Variants in ZNF595 observed in about 807,000 individuals in gnomAD.
The protein encoded by ZNF595 is zinc finger protein 595.
Under a neutral mutation model 19.4 loss-of-function variants are expected in ZNF595, and 9 were observed. The ratio of observed to expected loss-of-function variants is 0.46; its 90% CI spans 0.28 to 0.81. The LOEUF is 0.81. Ranked by LOEUF, ZNF595 falls within the 30% of genes least tolerant of loss-of-function variation. The probability of loss-of-function intolerance (pLI) is 0.11; values close to 1 mark genes in which losing one functional copy is unlikely to be tolerated. For synonymous variants in ZNF595, 255 were observed against 255.9 expected (o/e 1.00, Z 0.03); for missense variants, 729 against 736.0 (o/e 0.99, Z 0.11).
intron 3 of ZNF595, among the ~76,000 whole-genome samples, chr4:83,619 C>CAAAAAAAAA (rs71164492): frequency 9.3e-4 from 36 of 38,520 alleles, no homozygotes; most frequent in Admixed American, 1.4e-3. Flanking sequence ...GACTCCGTCT[C>CAAAAAAAAA]AAAAAAAAAA....
At chr4:70,117 A>G (rs1713365623) in intron 3 of ZNF595, among the ~76,000 whole-genome samples, 1 of 152,168 alleles carries the variant, frequency 6.6e-6, no homozygotes, top group Non-Finnish European at 1.5e-5. Flanking sequence ...ACTACTAAAG[A>G]GTAATTGACA....
At chr4:66,828 TA>T (rs1713136614) in intron 3 of ZNF595, among the ~76,000 whole-genome samples, 1 of 152,192 alleles carries the variant, frequency 6.6e-6, no homozygotes, top group African/African-American at 2.4e-5. Context: ...ACACTGTTTT[TA>T]TTTAGCTTTG....
intron 3 of ZNF595, among the ~76,000 whole-genome samples, chr4:70,017 CAG>C (rs1553797653): frequency 6.6e-6 from 1 of 152,148 alleles, no homozygotes; most frequent in Non-Finnish European, 1.5e-5. Context: ...ACAGACTCCC[CAG>C]AGAGTTCTGT....
At chr4:73,572 A>G (rs1247693345) in intron 3 of ZNF595, among the ~76,000 whole-genome samples, 2 of 152,218 alleles carry the variant, frequency 1.3e-5, no homozygotes, top group African/African-American at 2.4e-5. Flanking sequence ...TATTAGCAGT[A>G]AGCTTTTTTG....
At chr4:71,571 T>C (rs1439549201) in intron 3 of ZNF595, among the ~76,000 whole-genome samples, 2 of 152,176 alleles carry the variant, frequency 1.3e-5, no homozygotes, top group African/African-American at 4.8e-5. Context: ...TCTCTTGGAA[T>C]GTCTAGGGAA....
At chr4:78,647 G>A (rs535548612) in intron 3 of ZNF595, among the ~76,000 whole-genome samples, 19 of 152,308 alleles carry the variant, frequency 1.2e-4, no homozygotes, top group African/African-American at 4.6e-4. Flanking sequence ...TTTGAAAAAT[G>A]AAACCTTTTT....
chr4:86,614 T>A lies in ZNF595; in HGVS notation c.1110T>A (p.Cys370Ter), dbSNP rs1714194502. 1 of 1,613,384 alleles carries A rather than the reference T, an allele frequency of 6.2e-7. No individual in the cohort carries two copies. Among genetic ancestry groups the A allele is most frequent in the Non-Finnish European group, 8.5e-7 (1 of 1,179,798 alleles). The change falls in exon 4 of 4, where the codon TGT becomes TGA. Residue 370 changes from cysteine (C) to a stop codon, truncating the protein, a stop_gained. Coordinates refer to ENST00000610261, the MANE Select transcript of ZNF595 (RefSeq NM_182524.4). LOFTEE classifies it high-confidence loss of function. The part of the protein sequence containing the change: ...SIHSEQKLYK[C>*]EECGKAFTWS... ...ATTCTGAACAAAAACTTTACAAATG[T>A]GAAGAATGTGGCAAAGCCTTTACTT... is the stretch of plus-strand genomic sequence containing the variant.
intron 3 of ZNF595, among the ~76,000 whole-genome samples, chr4:77,830 G>T (rs1309785464): frequency 1.3e-5 from 2 of 152,114 alleles, no homozygotes; most frequent in Non-Finnish European, 2.9e-5. Context: ...ATGTGAGCAG[G>T]TGTGGCTCCT....
chr4:86,460 A>C lies in ZNF595; in HGVS notation c.956A>C (p.Lys319Thr). 6.2e-7 allele frequency: 1 copy of C among 1,614,086 alleles called. No individual in the cohort carries two copies. Among genetic ancestry groups the C allele is most frequent in the Non-Finnish European group, 8.5e-7 (1 of 1,179,970 alleles). ...CCCTACAAATGTAAAGAATGTGGCA[A>C]AGCCTTTAGACAGTCCAGGAGCCTG... ...EKPYKCKECG[K>T]AFRQSRSLNE... The change falls in exon 4 of 4, where the codon AAA (lysine) becomes ACA (threonine). Residue 319 changes from lysine (K) to threonine (T), a missense_variant. Physicochemically the swap from Lys to Thr is moderately conservative, Grantham distance 78 (BLOSUM62 -1). Transcript: ENST00000610261.
chr4:87,125 T>C lies in ZNF595; in HGVS notation c.1621T>C (p.Cys541Arg). Reference protein sequence around the residue: ...SEQKLYKCEECGKAFTRSTAL... With the variant: ...SEQKLYKCEERGKAFTRSTAL... ...ACAAAAACTTTACAAATGTGAAGAATGTGGCAAAGCCTTTACTCGGTCCAC... is the reference window on the plus strand; with the variant it reads ...ACAAAAACTTTACAAATGTGAAGAACGTGGCAAAGCCTTTACTCGGTCCAC... Residue 541 changes from cysteine (C) to arginine (R), a missense_variant, in exon 4 of 4, where the codon TGT becomes CGT. Around this residue, in one of 2 missense-constraint regions of ZNF595, gnomAD observed 729 missense variants for 675.3 expected, o/e 1.08. Transcript: ENST00000610261. The C allele has an allele frequency of 1.2e-6, 2 of 1,614,088 alleles. No individual in the cohort carries two copies. The highest frequency in any genetic ancestry group is 1.7e-6 in the Non-Finnish European group (2 of 1,179,964).
chr4:75,520 C>A (rs1228193226), intron 3 of ZNF595, among the ~76,000 whole-genome samples: 1 of 152,208 alleles, frequency 6.6e-6, no homozygotes, highest in Non-Finnish European at 1.5e-5. Context: ...TTAATTTTCT[C>A]ACAATGGCAG....
chr4:87,426 T>C lies in ZNF595; in HGVS notation c.1922T>C (p.Ile641Thr). The C allele has an allele frequency of 1.2e-6, 2 of 1,600,708 alleles. No individual in the cohort carries two copies. The highest frequency in any genetic ancestry group is 1.7e-6 in the Non-Finnish European group (2 of 1,173,396). Residue 641 changes from isoleucine to threonine, a missense_variant, in exon 4 of 4, where the codon ATT (isoleucine) becomes ACT (threonine). Around this residue, in one of 2 missense-constraint regions of ZNF595, gnomAD observed 729 missense variants for 675.3 expected, o/e 1.08. Transcript: ENST00000610261. ...RPSTLTVHKRIHTGKEHS is the reference protein window; with the variant it reads ...RPSTLTVHKRTHTGKEHS Reference sequence around the variant, plus strand: ...TCAACCCTTACTGTACACAAGCGAATTCATACTGGCAAGGAACATAGTTGA... The same window carrying C: ...TCAACCCTTACTGTACACAAGCGAACTCATACTGGCAAGGAACATAGTTGA...
In ZNF595 at chr4:85,774, G is replaced by A; in HGVS notation, c.270G>A (p.Gly90=). The change falls in exon 4 of 4, where the codon GGG becomes GGA. Residue 90 remains glycine (G), a synonymous_variant. Transcript: ENST00000610261. Reference sequence around the variant, plus strand: ...GCCAAGACCTTTCACCAGTGCAGGGGATAGAAGATTCATTCCACAAACTTA... The same window carrying A: ...GCCAAGACCTTTCACCAGTGCAGGGAATAGAAGATTCATTCCACAAACTTA... ...PFSQDLSPVQ[G]IEDSFHKLIL... is the part of the protein sequence containing the mutation. The A allele has an allele frequency of 6.2e-7, 1 of 1,611,634 alleles. No homozygotes were observed. Among genetic ancestry groups the A allele is most frequent in the Non-Finnish European group, 8.5e-7 (1 of 1,178,332 alleles).
At chr4:80,527 T>C (rs996875153) in intron 3 of ZNF595, among the ~76,000 whole-genome samples, 5 of 152,200 alleles carry the variant, frequency 3.3e-5, no homozygotes, top group Non-Finnish European at 7.3e-5. Flanking sequence ...TAAAGCTTTT[T>C]AATCACCTGG....
chr4:69,969 T>C (rs782508667), intron 3 of ZNF595, among the ~76,000 whole-genome samples: 4 of 152,148 alleles, frequency 2.6e-5, no homozygotes, highest in Admixed American at 6.5e-5. Context: ...TACACAGATA[T>C]TCTGTTTTGC....
intron 3 of ZNF595, among the ~76,000 whole-genome samples, chr4:83,541 A>ACC (rs1714005470): frequency 1.4e-5 from 2 of 147,862 alleles, no homozygotes; most frequent in Admixed American, 1.4e-4. Context: ...AATGGTGTGA[A>ACC]CCCAGGAGGC....
Position 86,076 on chromosome 4 carries a change from C to G in ZNF595, c.572C>G (p.Thr191Arg). Residue 191 changes from threonine to arginine, a missense_variant, in exon 4 of 4, where the codon ACA becomes AGA. Physicochemically the swap from Thr to Arg is moderately conservative, Grantham distance 71. This residue lies in a region of ZNF595 where 729 missense variants were observed against 675.3 expected (regional missense o/e 1.08). Transcript: ENST00000610261. ...TACATGTCACACCTAACTCAACATA[C>G]AGGAATTCATGCTGGAGAGAAACCC... ...SFYMSHLTQH[T>R]GIHAGEKPYK... 1 of 1,613,014 alleles carries G rather than the reference C, an allele frequency of 6.2e-7. No individual in the cohort carries two copies. Among genetic ancestry groups the G allele is most frequent in the Non-Finnish European group, 8.5e-7 (1 of 1,179,448 alleles).
intron 3 of ZNF595, among the ~76,000 whole-genome samples, chr4:81,710 C>A (rs1278967812): frequency 6.6e-6 from 1 of 152,046 alleles, no homozygotes; most frequent in Non-Finnish European, 1.5e-5. Flanking sequence ...GTTTTCTGGC[C>A]CTTTACAAAA....
At chr4:74,555 G>C (rs1336160858) in intron 3 of ZNF595, among the ~76,000 whole-genome samples, 3 of 152,198 alleles carry the variant, frequency 2.0e-5, no homozygotes, top group Non-Finnish European at 4.4e-5. Flanking sequence ...AAGTCCTGGA[G>C]ACATGTGCCC....
Sources: allele counts gnomAD v4.1 joint callset (sites outside exome capture counted in the v4.1 genomes callset), GRCh38; gene constraint gnomAD v4.1.1; regional missense constraint gnomAD v4.1.1; transcripts MANE v1.5; gene names NCBI Gene and HGNC (gene_info 2026-07-23, HGNC 2026-07-21).